The following OPA1 variants were observed in gnomAD, a reference collection of about 807,000 sequenced individuals.
OPA1 encodes the protein OPA1 mitochondrial dynamin like GTPase, also known as dynamin-like GTPase OPA1, mitochondrial.
OPA1 carries 59 observed loss-of-function variants against 152.9 expected under a neutral mutation model. That is an observed-to-expected ratio of 0.39 (90% CI 0.31 to 0.48). The LOEUF (loss-of-function observed/expected upper bound fraction) is 0.48. Ranked by LOEUF, OPA1 falls within the 20% of genes least tolerant of loss-of-function variation. OPA1 has a pLI of 0.96. For missense variants in OPA1, 1,008 were observed against 1,216.8 expected, an observed-to-expected ratio of 0.83 and a Z score of 2.55; for synonymous variants, 400 against 389.9, an observed-to-expected ratio of 1.03 and a Z score of -0.31.
At chr3:193,646,991 C>T (rs1734751926) in intron 18 of OPA1, 74 bp from the exon 19 acceptor site, 1 of 931,968 alleles carries the variant, frequency 1.1e-6, no homozygotes, top group Non-Finnish European at 1.7e-6. Flanking sequence ...AGCACATTCG[C>T]AGACTTGGTG....
Position 193,604,860 on chromosome 3 carries a change from CA to C in OPA1, c.33-9848del, listed in dbSNP as rs55904490. 9.7e-3 allele frequency among the ~76,000 whole-genome samples: 1,013 copies of C among 104,540 alleles called. 12 individuals carry two copies. The highest frequency in any genetic ancestry group is 0.029 in the African/African-American group (766 of 26,030). 68.6% of individuals were successfully genotyped at this position (104,540 alleles called of 152,430 possible). On this transcript the variant is annotated intron_variant, in intron 1 of 30. Coordinates refer to ENST00000361510, the MANE Select transcript of OPA1 (RefSeq NM_130837.3). ...GGGCAACAAGAGTGAAACTCCATCT[CA>C]AAAAAAAAAAAAAAGAAAAAAGAAA...
chr3:193,689,743 A>G (rs1320406663), intron 29 of OPA1, among the ~76,000 whole-genome samples: 1 of 152,164 alleles, frequency 6.6e-6, no homozygotes, highest in Non-Finnish European at 1.5e-5. Context: ...GCACTGCCCT[A>G]TTGTACTCAA....
chr3:193,681,480 G>A (rs1354087788), intron 29 of OPA1, among the ~76,000 whole-genome samples: 1 of 152,178 alleles, frequency 6.6e-6, no homozygotes. Flanking sequence ...GTGAAATAAA[G>A]TAAACTTTCA....
At chr3:193,628,578 G>T (rs1382261511) in intron 7 of OPA1, 1 of 152,180 alleles carries the variant, frequency 6.6e-6, no homozygotes, top group Admixed American at 6.5e-5. Flanking sequence ...TTGTAGAAAA[G>T]CTCTGGTTTC....
intron 24 of OPA1, 139 bp downstream of exon 24, chr3:193,659,134 AT>A (rs1242449284): frequency 1.1e-5 from 8 of 723,570 alleles, no homozygotes; most frequent in African/African-American, 7.1e-5. Flanking sequence ...TATTTGTGGA[AT>A]TTTTTTAGTC....
chr3:193,646,915 GT>G (rs1178768153), intron 18 of OPA1, 149 bp from the exon 19 acceptor site: 21 of 602,330 alleles, frequency 3.5e-5, no homozygotes. Flanking sequence ...GTATTGGAAT[GT>G]TTTCCTCCTC....
At chr3:193,694,262 CAA>C (rs1252780077) in intron 30 of OPA1, among the ~76,000 whole-genome samples, 5 of 152,180 alleles carry the variant, frequency 3.3e-5, no homozygotes, top group African/African-American at 1.2e-4. Flanking sequence ...ACCATTTTAT[CAA>C]AGTTACCAAG....
At chr3:193,643,851 A>G (rs1734141621) in intron 15 of OPA1, 124 bp from the exon 16 acceptor site, 2 of 1,095,770 alleles carry the variant, frequency 1.8e-6, no homozygotes, top group African/African-American at 3.2e-5. Flanking sequence ...TTTTTAGTAA[A>G]TAACGTAAAT....
intron 11 of OPA1, among the ~76,000 whole-genome samples, chr3:193,641,199 TTAA>T (rs770635983): frequency 1.9e-4 from 29 of 152,312 alleles, no homozygotes; most frequent in Non-Finnish European, 2.8e-4. Flanking sequence ...CAAGAAGAAA[TTAA>T]TTTTGTTTTG....
At chr3:193,673,624 T>C (rs1428361815) in intron 29 of OPA1, among the ~76,000 whole-genome samples, 1 of 152,204 alleles carries the variant, frequency 6.6e-6, no homozygotes, top group African/African-American at 2.4e-5. Context: ...TGTGGAATCT[T>C]TAATTGAGCA....
intron 27 of OPA1, among the ~76,000 whole-genome samples, chr3:193,665,221 A>C (rs1239805866): frequency 6.6e-6 from 1 of 151,902 alleles, no homozygotes; most frequent in Non-Finnish European, 1.5e-5. Context: ...GAATATGTGA[A>C]TATAAATAGT....
At chr3:193,646,965 A>G in intron 18 of OPA1, 100 bp from the exon 19 acceptor site, 1 of 725,898 alleles carries the variant, frequency 1.4e-6, no homozygotes, top group South Asian at 1.6e-5. Context: ...ATGAAAGGTA[A>G]GAGTGGCTGT....
intron 29 of OPA1, chr3:193,668,640 A>G (rs1296901230): frequency 6.6e-7 from 1 of 1,515,978 alleles, no homozygotes; most frequent in African/African-American, 1.4e-5. Context: ...CTGCACAGAT[A>G]CTCTCCTCAG....
intron 1 of OPA1, chr3:193,613,986 C>G (rs1387196082): frequency 1.9e-6 from 1 of 518,860 alleles, no homozygotes; most frequent in Non-Finnish European, 3.8e-6. Flanking sequence ...AGTAAGCAAG[C>G]AACTATGTAT....
rs34307082 is a variant in OPA1 at position 193,618,887 on chromosome 3, C to T, written c.629C>T (p.Ala210Val). 43,368 of 1,612,898 alleles carry T rather than the reference C, an allele frequency of 0.027. 696 individuals carry two copies. The highest frequency in any genetic ancestry group is 0.029 in the Non-Finnish European group (34,214 of 1,179,006). ...CTTTAAGGTTCTCCGGAAGAAACGG[C>T]GTTTAGAGCAACAGATCGTGGATCT... ...LLLLGSPEET[A>V]FRATDRGSES... The change falls in exon 6 of 31, where the codon GCG becomes GTG. Residue 210 changes from alanine to valine, a missense_variant. Ala to Val is a moderately conservative substitution (Grantham distance 64, BLOSUM62 0). Transcript: ENST00000361510.
chr3:193,667,358 C>G (rs1716812662), intron 29 of OPA1, 78 bp downstream of exon 29: 1 of 823,638 alleles, frequency 1.2e-6, no homozygotes, highest in Admixed American at 1.7e-5. Context: ...TCCATTTAAT[C>G]TCAAACTTAC....
chr3:193,609,253 C>T (rs1218149126), intron 1 of OPA1, among the ~76,000 whole-genome samples: 1 of 152,132 alleles, frequency 6.6e-6, no homozygotes, highest in Non-Finnish European at 1.5e-5. Context: ...ATTCTCTCAA[C>T]ATTTGCTTGT....
At chr3:193,675,584 T>G (rs1482882533) in intron 29 of OPA1, among the ~76,000 whole-genome samples, 2 of 152,142 alleles carry the variant, frequency 1.3e-5, no homozygotes, top group Non-Finnish European at 2.9e-5. Flanking sequence ...CCCAGTATTT[T>G]TATCCCACCT....
In OPA1 at chr3:193,648,120, C is replaced by A; in HGVS notation, c.1921C>A (p.Arg641=). The stretch of plus-strand genomic sequence containing the variant: ...ATGGAAGAATAACTATCCTCGCCTG[C>A]GGGAACTTGACCGGGTAATATTTGG... ...TEWKNNYPRL[R]ELDRNELFEK... The change falls in exon 20 of 31, where the codon CGG becomes AGG. Residue 641 remains arginine (R), a synonymous_variant. Coordinates refer to ENST00000361510, the MANE Select transcript of OPA1 (RefSeq NM_130837.3). The A allele has an allele frequency of 6.2e-7, 1 of 1,611,458 alleles. No homozygotes were observed.
Sources: gnomAD v4.1 joint callset for allele counts (sites outside exome capture counted in the v4.1 genomes callset) on GRCh38, gnomAD v4.1.1 for gene constraint, MANE v1.5 for transcripts, NCBI Gene and HGNC (gene_info 2026-07-23, HGNC 2026-07-21) for gene names.